MADD: variants seen among roughly 807,000 people sequenced by gnomAD.
MADD encodes the protein MAP kinase-activating death domain protein.
Under a neutral mutation model 176.7 loss-of-function variants are expected in MADD, and 109 were observed. The ratio of observed to expected loss-of-function variants is 0.62; its 90% CI spans 0.53 to 0.72. The LOEUF is 0.72. Ranked by LOEUF, MADD falls within the 30% of genes least tolerant of loss-of-function variation. MADD has a pLI of 0.00. For missense variants in MADD, 1,914 were observed against 2,045.5 expected (o/e 0.94, Z 1.24); for synonymous variants, 771 against 771.3 (o/e 1.00, Z 0.01).
intron 19 of MADD, 122 bp from the exon 22 acceptor site, chr11:47,293,761 T>C (rs1225765607): frequency 1.5e-6 from 1 of 651,900 alleles, no homozygotes; most frequent in Non-Finnish European, 2.7e-6. Flanking sequence ...GGGGTAGTCC[T>C]TGGAAAGGTG....
At chr11:47,287,050 G>A (rs541184222) in intron 15 of MADD, among the ~76,000 whole-genome samples, 1 of 152,230 alleles carries the variant, frequency 6.6e-6, no homozygotes, top group Non-Finnish European at 1.5e-5. Flanking sequence ...TGAAAGCCAG[G>A]CGCGGTGGCT....
chr11:47,276,395 G>A (rs1399794696), intron 4 of MADD, among the ~76,000 whole-genome samples, 193 bp downstream of exon 4: 2 of 152,226 alleles, frequency 1.3e-5, no homozygotes, highest in African/African-American at 2.4e-5. Context: ...CATGTGGGAT[G>A]TATTTAGAGG....
chr11:47,309,902 C>T (rs991924226), intron 25 of MADD, among the ~76,000 whole-genome samples: 8 of 147,620 alleles, frequency 5.4e-5, no homozygotes, highest in Admixed American at 3.5e-4. Context: ...AGTGCAGTGG[C>T]GCAATCTCAG....
At chr11:47,309,759 C>A (rs1333395992) in intron 25 of MADD, 147 bp downstream of exon 28, 2 of 627,848 alleles carry the variant, frequency 3.2e-6, no homozygotes, top group Non-Finnish European at 5.6e-6. Flanking sequence ...GGCCTCTCTG[C>A]CAGCTTACAA....
exon 12 of MADD, chr11:47,284,390 C>G: frequency 6.2e-7 from 1 of 1,614,132 alleles, no homozygotes; most frequent in Non-Finnish European, 8.5e-7. Flanking sequence ...GACCCTCTGA[C>G]ACATGCAGCA....
At chr11:47,272,635 C>T (rs1479336203) in intron 1 of MADD, among the ~76,000 whole-genome samples, 3 of 152,122 alleles carry the variant, frequency 2.0e-5, no homozygotes, top group East Asian at 3.9e-4. Context: ...AGCTGTGCAG[C>T]GGGGTGAAAC....
chr11:47,279,841 G>C (rs1185393735), intron 7 of MADD, among the ~76,000 whole-genome samples: 1 of 151,940 alleles, frequency 6.6e-6, no homozygotes, highest in African/African-American at 2.4e-5. Context: ...GGGAGGCCGA[G>C]GCAGGTGAAT....
chr11:47,276,742 A>G, exon 5 of MADD: 1 of 1,614,216 alleles, frequency 6.2e-7, no homozygotes, highest in South Asian at 1.1e-5. Context: ...GTGGTGCTAC[A>G]GTCCCGAGAC....
At chr11:47,298,653 G>A (rs961452593) in intron 22 of MADD, among the ~76,000 whole-genome samples, 9 of 152,000 alleles carry the variant, frequency 5.9e-5, no homozygotes, top group African/African-American at 1.7e-4. Flanking sequence ...TCATTTCATC[G>A]TGTCCTTTGT....
chr11:47,285,392 C>T, intron 13 of MADD, 59 bp from the exon 14 acceptor site: 2 of 1,606,748 alleles, frequency 1.2e-6, no homozygotes, highest in Non-Finnish European at 1.7e-6. Context: ...AATTATGGCC[C>T]ATACTCCCAA....
In MADD at chr11:47,317,618, A is replaced by G. The variant is rs11039176; in HGVS notation, c.4197+2291A>G. 0.02 allele frequency among the ~76,000 whole-genome samples: 3,093 copies of G among 152,202 alleles called. 231 individuals carry two copies. The East Asian group carries it at 0.26, about 13-fold the overall frequency. ...GGAAGAATACTTAATGAGTGGTGCTATACGCTTCCTATTGCCTCATATGGT... is the reference window on the plus strand; with the variant it reads ...GGAAGAATACTTAATGAGTGGTGCTGTACGCTTCCTATTGCCTCATATGGT... On this transcript the variant is annotated intron_variant, in intron 27 of 32. Coordinates refer to ENST00000402192, the Ensembl canonical transcript of MADD.
At chr11:47,302,536 C>G (rs1440732925) in intron 22 of MADD, among the ~76,000 whole-genome samples, 1 of 152,156 alleles carries the variant, frequency 6.6e-6, no homozygotes, top group African/African-American at 2.4e-5. Context: ...GACATAAAGT[C>G]TGTTTTATCT....
At position 47,284,182 on chromosome 11, in the gene MADD, AGTGATAGTATGGATTATGAC is replaced by A; in HGVS notation, c.1869_1888del (p.Ser623ArgfsTer11). 1 of 1,610,224 alleles carries A rather than the reference AGTGATAGTATGGATTATGAC, an allele frequency of 6.2e-7. No homozygotes were observed. Among genetic ancestry groups the A allele is most frequent in the Non-Finnish European group, 8.5e-7 (1 of 1,176,514 alleles). ...TTTATGCACTTCACTCTGCAGTGGCAGTGATAGTATGGATTATGACGATTCAAGCTCTTCTTACTCCTCCC... is the reference window on the plus strand; with the variant it reads ...TTTATGCACTTCACTCTGCAGTGGCAGATTCAAGCTCTTCTTACTCCTCCC... On this transcript the variant is annotated frameshift_variant, in exon 11 of 33. Transcript: ENST00000402192. LOFTEE classifies it high-confidence loss of function.
intron 26 of MADD, among the ~76,000 whole-genome samples, chr11:47,314,000 C>T (rs768287404): frequency 1.1e-4 from 17 of 151,976 alleles, no homozygotes; most frequent in Non-Finnish European, 1.6e-4. Context: ...CCTTTTGATC[C>T]GCCCACCTCG....
intron 1 of MADD, chr11:47,272,379 C>G (rs1363461040): frequency 6.6e-6 from 1 of 152,146 alleles, no homozygotes; most frequent in Non-Finnish European, 1.5e-5. Flanking sequence ...GAAAAAACTT[C>G]TACTCATTAC....
At chr11:47,314,769 A>T (rs7944584) in intron 26 of MADD, among the ~76,000 whole-genome samples, 28,324 of 152,248 alleles carry the variant, frequency 0.19, 3,494 homozygotes, top group Non-Finnish European at 0.28. Flanking sequence ...ATACTGCAAC[A>T]GACTCAATGC....
At chr11:47,293,640 A>T (rs1019892367) in intron 19 of MADD, among the ~76,000 whole-genome samples, 1 of 152,036 alleles carries the variant, frequency 6.6e-6, no homozygotes, top group Admixed American at 6.6e-5. Context: ...TTTGCTCAGA[A>T]TTTTCTCAGG....
At chr11:47,279,215 A>C in intron 7 of MADD, 136 bp downstream of exon 7, 1 of 729,056 alleles carries the variant, frequency 1.4e-6, no homozygotes, top group East Asian at 2.9e-5. Flanking sequence ...GGGCTTAAGA[A>C]AACGCGTATC....
intron 22 of MADD, among the ~76,000 whole-genome samples, chr11:47,304,438 T>C (rs2080864735): frequency 6.6e-6 from 1 of 152,084 alleles, no homozygotes; most frequent in African/African-American, 2.4e-5. Flanking sequence ...TCCATGTTGC[T>C]TCGGCTGGCC....
Sources: allele counts gnomAD v4.1 joint callset (sites outside exome capture counted in the v4.1 genomes callset), GRCh38; gene constraint gnomAD v4.1.1; transcripts MANE v1.5; gene names NCBI Gene and HGNC (gene_info 2026-07-23, HGNC 2026-07-21).